Variants in MACROD2 observed in about 807,000 individuals in gnomAD.
The protein encoded by MACROD2 is ADP-ribose glycohydrolase MACROD2.
MACROD2 carries 36 observed loss-of-function variants against 70.4 expected under a neutral mutation model. The ratio of observed to expected loss-of-function variants is 0.51; its 90% CI spans 0.39 to 0.68. MACROD2 has a LOEUF of 0.68. MACROD2 is among the 30% of genes least tolerant of loss of function. MACROD2 has a pLI of 0.00. For synonymous variants in MACROD2, 172 were observed against 178.8 expected (o/e 0.96, Z 0.30); for missense variants, 496 against 538.4 (o/e 0.92, Z 0.78).
At chr20:15,921,654 G>A (rs6080024) in intron 10 of MACROD2, among the ~76,000 whole-genome samples, 136,225 of 152,234 alleles carry the variant, frequency 0.89, 61,417 homozygotes, top group Non-Finnish European at 0.96. Context: ...ATTTCCCTTC[G>A]TTAGCACGTA....
intron 3 of MACROD2, among the ~76,000 whole-genome samples, chr20:14,251,203 T>C (rs2082009760): frequency 6.6e-6 from 1 of 152,114 alleles, no homozygotes. Context: ...AACCTTGTCT[T>C]ACTGCACTGT....
chr20:15,474,525 T>G (rs1364683517), intron 7 of MACROD2, among the ~76,000 whole-genome samples: 1 of 152,228 alleles, frequency 6.6e-6, no homozygotes, highest in Non-Finnish European at 1.5e-5. Context: ...TGCTTCAGAA[T>G]GCCTAATGTA....
At chr20:15,518,503 A>G (rs535999963) in intron 8 of MACROD2, among the ~76,000 whole-genome samples, 1 of 152,308 alleles carries the variant, frequency 6.6e-6, no homozygotes, top group Admixed American at 6.5e-5. Flanking sequence ...TGAGTGCTTC[A>G]TTTTAGACCT....
At chr20:15,729,470 T>G (rs2050911502) in intron 8 of MACROD2, among the ~76,000 whole-genome samples, 1 of 152,188 alleles carries the variant, frequency 6.6e-6, no homozygotes, top group South Asian at 2.1e-4. Context: ...ATCTGTCTAA[T>G]AATGTCAGTG....
At chr20:14,181,646 C>A (rs1475743909) in intron 3 of MACROD2, among the ~76,000 whole-genome samples, 1 of 151,996 alleles carries the variant, frequency 6.6e-6, no homozygotes, top group Non-Finnish European at 1.5e-5. Context: ...TCCCATTTCC[C>A]CTCCTCCAGC....
intron 8 of MACROD2, among the ~76,000 whole-genome samples, chr20:15,690,753 A>C (rs1419223660): frequency 6.6e-6 from 1 of 152,028 alleles, no homozygotes; most frequent in Admixed American, 6.6e-5. Context: ...GCCTCTAAAA[A>C]CTCAAAATCT....
chr20:15,638,962 T>A (rs977326600), intron 8 of MACROD2, among the ~76,000 whole-genome samples: 1 of 152,188 alleles, frequency 6.6e-6, no homozygotes, highest in East Asian at 1.9e-4. Flanking sequence ...AGTCAGGATG[T>A]GTCATTTCTG....
intron 8 of MACROD2, among the ~76,000 whole-genome samples, chr20:15,508,209 G>A (rs2047452985): frequency 6.6e-6 from 1 of 151,850 alleles, no homozygotes; most frequent in Admixed American, 6.6e-5. Context: ...CCTGAACCTA[G>A]TACTATGTCC....
At chr20:15,812,714 A>T (rs1268516294) in intron 8 of MACROD2, among the ~76,000 whole-genome samples, 1 of 152,226 alleles carries the variant, frequency 6.6e-6, no homozygotes, top group Non-Finnish European at 1.5e-5. Context: ...GTAGGTAAGT[A>T]GAAACCAAGT....
chr20:15,153,206 C>T (rs62202851), intron 5 of MACROD2, among the ~76,000 whole-genome samples: 12,394 of 151,946 alleles, frequency 0.082, 624 homozygotes, highest in Middle Eastern at 0.14. Flanking sequence ...AGCAACGAGG[C>T]TATTTATTTC....
intron 3 of MACROD2, among the ~76,000 whole-genome samples, chr20:14,279,444 AT>A (rs73619827): frequency 1.3e-5 from 2 of 151,498 alleles, no homozygotes; most frequent in African/African-American, 2.4e-5. Context: ...CCTTAAGTTG[AT>A]TTTTTTTTCT....
chr20:14,526,057 G>A (rs2085227391), intron 4 of MACROD2, among the ~76,000 whole-genome samples: 2 of 152,148 alleles, frequency 1.3e-5, no homozygotes, highest in Admixed American at 1.3e-4. Flanking sequence ...CTTTTGTCTT[G>A]TTGGCTGTAA....
chr20:15,239,600 T>C (rs149877662), intron 6 of MACROD2, among the ~76,000 whole-genome samples: 238 of 152,288 alleles, frequency 1.6e-3, no homozygotes, highest in African/African-American at 5.5e-3. Flanking sequence ...CGAGTAACTT[T>C]AGTGCAGTCT....
At chr20:14,461,373 C>A (rs541906012) in intron 3 of MACROD2, among the ~76,000 whole-genome samples, 1 of 152,008 alleles carries the variant, frequency 6.6e-6, no homozygotes, top group East Asian at 1.9e-4. Context: ...TTTTAAAAAA[C>A]CAGCTCCTGG....
At chr20:15,027,692 G>A (rs2075243281) in intron 5 of MACROD2, among the ~76,000 whole-genome samples, 2 of 145,426 alleles carry the variant, frequency 1.4e-5, no homozygotes, top group Admixed American at 7.0e-5. Flanking sequence ...CTGGGCAAGA[G>A]TAGGACTCTC....
intron 8 of MACROD2, among the ~76,000 whole-genome samples, chr20:15,765,929 C>A (rs1257048125): frequency 1.3e-5 from 2 of 151,994 alleles, no homozygotes; most frequent in African/African-American, 4.8e-5. Flanking sequence ...GGCATCCTTT[C>A]ATGGAAGCAA....
chr20:14,528,411 C>G (rs1425715971), intron 4 of MACROD2, among the ~76,000 whole-genome samples: 1 of 151,652 alleles, frequency 6.6e-6, no homozygotes, highest in Non-Finnish European at 1.5e-5. Flanking sequence ...GCCTCGGCCT[C>G]CCAAAGTGCT....
At chr20:14,782,994 G>C (rs2072321041) in intron 5 of MACROD2, among the ~76,000 whole-genome samples, 2 of 152,096 alleles carry the variant, frequency 1.3e-5, no homozygotes, top group Admixed American at 6.5e-5. Context: ...CCTCTCAGAA[G>C]CCAGGGAGAT....
intron 5 of MACROD2, among the ~76,000 whole-genome samples, chr20:15,106,834 T>C (rs1263850881): frequency 6.6e-6 from 1 of 151,950 alleles, no homozygotes; most frequent in Admixed American, 6.6e-5. Context: ...ATTACAGTGA[T>C]CTGCCATAGA....
Sources: allele counts gnomAD v4.1 joint callset (sites outside exome capture counted in the v4.1 genomes callset), GRCh38; gene constraint gnomAD v4.1.1; transcripts MANE v1.5; gene names NCBI Gene and HGNC (gene_info 2026-07-23, HGNC 2026-07-21).